SLC16A7: variants seen among roughly 807,000 people sequenced by gnomAD.
The protein encoded by SLC16A7 is solute carrier family 16 member 7.
Under a neutral mutation model 34.9 loss-of-function variants are expected in SLC16A7, and 33 were observed. The observed-to-expected ratio is 0.94, with a 90% CI of 0.72 to 1.26. The LOEUF is 1.26. Among genes scored for constraint, SLC16A7 ranks in the 50% most tolerant of loss-of-function variants. The pLI is 0.00. For synonymous variants in SLC16A7, 201 were observed against 206.6 expected (o/e 0.97, Z 0.23); for missense variants, 573 against 578.1 (o/e 0.99, Z 0.09).
Position 59,774,842 on chromosome 12 carries a change from A to G in SLC16A7, c.547A>G (p.Ser183Gly), listed in dbSNP as rs574723180. 32 of 1,613,930 alleles carry G rather than the reference A, an allele frequency of 2.0e-5. No homozygotes were observed. Among genetic ancestry groups the G allele is most frequent in the South Asian group, 4.4e-5 (4 of 91,066 alleles). Residue 183 changes from serine to glycine, a missense_variant, in exon 5 of 6, where the codon AGT (serine) becomes GGT (glycine). Physicochemically the swap from Ser to Gly is moderately conservative, Grantham distance 56. Transcript: ENST00000547379. ...GWKGSFLILG[S>G]LLLNACVAGS... ...GAAAGGAAGCTTCCTGATTTTGGGA[A>G]GTCTACTTTTGAATGCCTGTGTGGC...
At chr12:59,758,915 G>C (rs940257730) in intron 3 of SLC16A7, among the ~76,000 whole-genome samples, 1 of 151,878 alleles carries the variant, frequency 6.6e-6, no homozygotes, top group Non-Finnish European at 1.5e-5. Flanking sequence ...TCCAAGTCTT[G>C]TTGCCATTTT....
chr12:59,707,055 A>T (rs1873671762), intron 3 of SLC16A7, among the ~76,000 whole-genome samples: 1 of 152,116 alleles, frequency 6.6e-6, no homozygotes, highest in Admixed American at 6.6e-5. Context: ...AAGGCTTTGT[A>T]TGTTGTTCCC....
intron 1 of SLC16A7, among the ~76,000 whole-genome samples, chr12:59,650,584 A>C (rs751462148): frequency 1.1e-4 from 16 of 152,164 alleles, no homozygotes; most frequent in Non-Finnish European, 2.2e-4. Flanking sequence ...TTTTACTTTT[A>C]GATATCTTTG....
At chr12:59,718,758 T>C (rs2137193668) in intron 3 of SLC16A7, among the ~76,000 whole-genome samples, 1 of 152,204 alleles carries the variant, frequency 6.6e-6, no homozygotes, top group East Asian at 1.9e-4. Context: ...CTAGGGAAAA[T>C]GGATAAGAAG....
intron 3 of SLC16A7, chr12:59,719,777 C>T (rs1592569482): frequency 3.5e-6 from 1 of 281,746 alleles, no homozygotes; most frequent in East Asian, 5.9e-5. Context: ...AAACAGAGAA[C>T]TGGTTGCAAA....
chr12:59,771,089 C>T (rs533406001), intron 3 of SLC16A7, 130 bp from the exon 4 acceptor site: 2 of 777,284 alleles, frequency 2.6e-6, no homozygotes, highest in Admixed American at 5.3e-5. Flanking sequence ...CATTATGTTT[C>T]ATGTGAACTA....
intron 2 of SLC16A7, among the ~76,000 whole-genome samples, chr12:59,677,179 T>A (rs1870380152): frequency 6.6e-6 from 1 of 152,212 alleles, no homozygotes; most frequent in African/African-American, 2.4e-5. Flanking sequence ...AACTGCATTT[T>A]CCTTTCTAGT....
At chr12:59,636,567 C>T (rs1253578202) in intron 1 of SLC16A7, among the ~76,000 whole-genome samples, 1 of 152,096 alleles carries the variant, frequency 6.6e-6, no homozygotes, top group Admixed American at 6.6e-5. Context: ...CAGGCTCAAG[C>T]AGTCCTCTGC....
chr12:59,762,051 G>A (rs1227048171), intron 3 of SLC16A7, among the ~76,000 whole-genome samples: 3 of 152,072 alleles, frequency 2.0e-5, no homozygotes, highest in Non-Finnish European at 4.4e-5. Flanking sequence ...TATACAATGA[G>A]TGGTATACTT....
chr12:59,775,100 GC>G lies in SLC16A7; in HGVS notation c.806del (p.Ala269ValfsTer32). ...LGFFAPIIFL[A>X]PYAKDQGIDE... ...TTTTTTTGCCCCCATTATATTCTTGGCTCCATATGCTAAAGACCAAGGAATT... is the reference window on the plus strand; with the variant it reads ...TTTTTTTGCCCCCATTATATTCTTGGTCCATATGCTAAAGACCAAGGAATT... On this transcript the variant is annotated frameshift_variant, in exon 5 of 6. Coordinates refer to ENST00000547379, the MANE Select transcript of SLC16A7 (RefSeq NM_001270623.2). LOFTEE classifies it high-confidence loss of function. 1 of 1,614,006 alleles carries G rather than the reference GC, an allele frequency of 6.2e-7. No individual in the cohort carries two copies. The highest frequency in any genetic ancestry group is 8.5e-7 in the Non-Finnish European group (1 of 1,179,980).
At chr12:59,769,088 C>G (rs540996633) in intron 3 of SLC16A7, 1 of 152,076 alleles carries the variant, frequency 6.6e-6, no homozygotes, top group African/African-American at 2.4e-5. Context: ...CAAAACAGGA[C>G]CCTCCACCAG....
chr12:59,643,247 A>G (rs1256118477), intron 1 of SLC16A7, among the ~76,000 whole-genome samples: 1 of 152,164 alleles, frequency 6.6e-6, no homozygotes, highest in Non-Finnish European at 1.5e-5. Context: ...TCATAGAACT[A>G]ATAACATTTC....
intron 2 of SLC16A7, among the ~76,000 whole-genome samples, chr12:59,673,950 C>T (rs1465933641): frequency 6.6e-6 from 1 of 152,098 alleles, no homozygotes; most frequent in Non-Finnish European, 1.5e-5. Context: ...ATCATTCAAG[C>T]CTCAACCAAA....
Position 59,787,822 on chromosome 12 carries a change from A to G in SLC16A7, c.*8143A>G, listed in dbSNP as rs1883729686. 1.3e-5 allele frequency: 2 copies of G among 152,218 alleles called. No homozygotes were observed. The highest frequency in any genetic ancestry group is 6.5e-5 in the Admixed American group (1 of 15,274). 9.4% of individuals were successfully genotyped at this position (152,218 alleles called of 1,614,324 possible). A position where few individuals can be genotyped will look rare whatever the true frequency, so the allele number is the denominator to read the frequency against. ...ATGCTAAGACTGCATTGTCATTCTG[A>G]CAGGAGGCAGGCCTCAGTAGTTGCA... is the stretch of plus-strand genomic sequence containing the variant. On this transcript the variant is annotated 3_prime_UTR_variant, in exon 6 of 6. Transcript: ENST00000547379.
At position 59,693,679 on chromosome 12, in the gene SLC16A7, T is replaced by C. The variant is rs150258437; in HGVS notation, c.-30-11093T>C. The stretch of plus-strand genomic sequence containing the variant: ...AATTTCAAAAGACTTTGAAGGATAG[T>C]TGTAGTTTTTGAATTCCAAAGATAA... On this transcript the variant is annotated intron_variant, in intron 2 of 5. Transcript: ENST00000547379. Among the ~76,000 whole-genome samples, 362 of 151,988 alleles carry C rather than the reference T, an allele frequency of 2.4e-3. 1 individual carries two copies. The highest frequency in any genetic ancestry group is 7.3e-3 in the African/African-American group (303 of 41,516).
At chr12:59,671,120 C>T (rs1267706030) in intron 2 of SLC16A7, among the ~76,000 whole-genome samples, 18 of 152,112 alleles carry the variant, frequency 1.2e-4, no homozygotes, top group Non-Finnish European at 7.4e-5. Context: ...TTCCTGAATT[C>T]GAGGTTCTTT....
chr12:59,637,061 T>G (rs1880461838), intron 1 of SLC16A7, among the ~76,000 whole-genome samples: 2 of 152,120 alleles, frequency 1.3e-5, no homozygotes, highest in Non-Finnish European at 2.9e-5. Context: ...TGTCACCATG[T>G]CACATGATTC....
intron 1 of SLC16A7, among the ~76,000 whole-genome samples, chr12:59,648,155 A>G (rs1010225115): frequency 8.5e-5 from 13 of 152,164 alleles, no homozygotes; most frequent in African/African-American, 3.1e-4. Flanking sequence ...TAGAACTGTA[A>G]TGGAGGAGAG....
rs550968011 is a variant in SLC16A7, at chr12:59,767,058, G to A, written c.218-4161G>A. ...TTCAACTTCTTCCTGGTTTAGTCTT[G>A]CGAGGGTGTATGTGTTGCGGAATTT... On this transcript the variant is annotated intron_variant, in intron 3 of 5. Coordinates refer to ENST00000547379, the MANE Select transcript of SLC16A7 (RefSeq NM_001270623.2). Among the ~76,000 whole-genome samples, 4 of 150,056 alleles carry A rather than the reference G, an allele frequency of 2.7e-5. No individual in the cohort carries two copies. In the South Asian group the frequency reaches 8.8e-4, roughly 33 times the overall value.
Sources: gnomAD v4.1 joint callset for allele counts (sites outside exome capture counted in the v4.1 genomes callset) on GRCh38, gnomAD v4.1.1 for gene constraint, MANE v1.5 for transcripts, NCBI Gene and HGNC (gene_info 2026-07-23, HGNC 2026-07-21) for gene names.